The following ITGBL1 variants were observed in gnomAD, a reference collection of about 807,000 sequenced individuals.
The protein encoded by ITGBL1 is integrin subunit beta like 1.
In ITGBL1, 51 loss-of-function variants were observed where a neutral mutation model predicts 68.5. The observed-to-expected ratio is 0.74, with a 90% CI of 0.59 to 0.94. The LOEUF is 0.94. Ranked by LOEUF, ITGBL1 falls within the 40% of genes least tolerant of loss-of-function variation. ITGBL1 has a pLI of 0.00. For missense variants in ITGBL1, 649 were observed against 647.4 expected, an observed-to-expected ratio of 1.00 and a Z score of -0.03; for synonymous variants, 209 against 227.3, an observed-to-expected ratio of 0.92 and a Z score of 0.72.
At chr13:101,503,072 G>A (rs2048969917) in intron 2 of ITGBL1, among the ~76,000 whole-genome samples, 1 of 152,158 alleles carries the variant, frequency 6.6e-6, no homozygotes, top group Admixed American at 6.5e-5. Context: ...AAAATTTGAA[G>A]CAAGTGCTGT....
At chr13:101,658,761 T>C (rs897798856) in intron 7 of ITGBL1, among the ~76,000 whole-genome samples, 1 of 152,112 alleles carries the variant, frequency 6.6e-6, no homozygotes, top group Non-Finnish European at 1.5e-5. Context: ...GGAAAAAATA[T>C]GAGGAACTTG....
downstream of ITGBL1, chr13:101,717,162 T>C (rs1275324300): frequency 1.3e-5 from 2 of 152,132 alleles, no homozygotes; most frequent in Non-Finnish European, 2.9e-5. Flanking sequence ...TTAAACTTTA[T>C]AAGTCAAATT....
intron 7 of ITGBL1, among the ~76,000 whole-genome samples, chr13:101,684,568 G>A (rs1460133430): frequency 6.6e-6 from 1 of 151,694 alleles, no homozygotes; most frequent in East Asian, 1.9e-4. Context: ...TTTGCTATAG[G>A]GCAACTAATA....
intron 7 of ITGBL1, among the ~76,000 whole-genome samples, chr13:101,688,193 C>G (rs1024604146): frequency 1.3e-5 from 2 of 152,176 alleles, no homozygotes; most frequent in African/African-American, 4.8e-5. Flanking sequence ...ATACAAATCT[C>G]ACCGTTAGTC....
Position 101,567,589 on chromosome 13 carries a change from A to G in ITGBL1, c.317-110A>G, listed in dbSNP as rs76031962. On this transcript the variant is annotated intron_variant, in intron 2 of 10. Transcript: ENST00000376180. The stretch of plus-strand genomic sequence containing the variant: ...GCCACTGCGATATACATGAGTTTCA[A>G]TTTATTATAGCTCAGTCCCAAATCA... 2.7e-3 allele frequency: 2,718 copies of G among 1,008,872 alleles called. 52 individuals carry two copies. The African/African-American group carries it at 0.04, about 15-fold the overall frequency. 62.5% of individuals were successfully genotyped at this position (1,008,872 alleles called of 1,614,324 possible).
intron 2 of ITGBL1, among the ~76,000 whole-genome samples, chr13:101,542,397 T>C (rs993819294): frequency 2.0e-5 from 3 of 152,230 alleles, no homozygotes; most frequent in Non-Finnish European, 4.4e-5. Flanking sequence ...GAGTTCTAGT[T>C]TAATTGCACT....
intron 6 of ITGBL1, among the ~76,000 whole-genome samples, chr13:101,597,444 C>G (rs1270276264): frequency 1.4e-4 from 21 of 146,840 alleles, no homozygotes; most frequent in Admixed American, 1.2e-3. Context: ...AAAAAAAATC[C>G]TGCTTCAAAA....
chr13:101,611,571 G>A (rs2031126514), intron 7 of ITGBL1, among the ~76,000 whole-genome samples: 1 of 152,132 alleles, frequency 6.6e-6, no homozygotes, highest in Admixed American at 6.6e-5. Flanking sequence ...ATGGGAAAGG[G>A]TCACGTTGCA....
At chr13:101,696,897 G>A (rs2034016048) in intron 8 of ITGBL1, among the ~76,000 whole-genome samples, 1 of 152,176 alleles carries the variant, frequency 6.6e-6, no homozygotes, top group African/African-American at 2.4e-5. Flanking sequence ...AAGTTGAGGT[G>A]AGGATGTGAT....
intron 7 of ITGBL1, among the ~76,000 whole-genome samples, chr13:101,676,755 T>C (rs2033512720): frequency 6.6e-6 from 1 of 152,180 alleles, no homozygotes; most frequent in Non-Finnish European, 1.5e-5. Context: ...CAATAGGACT[T>C]TAAAGTGGAA....
intron 6 of ITGBL1, among the ~76,000 whole-genome samples, chr13:101,585,390 G>T (rs2050535474): frequency 6.6e-6 from 1 of 152,142 alleles, no homozygotes; most frequent in Admixed American, 6.5e-5. Flanking sequence ...CATAGAGTTG[G>T]TGGTTAAAAC....
intron 3 of ITGBL1, among the ~76,000 whole-genome samples, chr13:101,574,787 C>T (rs1170651783): frequency 6.6e-6 from 1 of 152,012 alleles, no homozygotes; most frequent in Non-Finnish European, 1.5e-5. Context: ...CAGATGACTA[C>T]CATGCCTCTC....
chr13:101,575,685 A>C, intron 4 of ITGBL1, 139 bp downstream of exon 4: 1 of 844,550 alleles, frequency 1.2e-6, no homozygotes. Flanking sequence ...AAAACATTTC[A>C]CATAAGGAGA....
chr13:101,665,942 G>A (rs2033204947), intron 7 of ITGBL1, among the ~76,000 whole-genome samples: 1 of 152,092 alleles, frequency 6.6e-6, no homozygotes, highest in Non-Finnish European at 1.5e-5. Context: ...ACGGACACTG[G>A]CTTTGTTATT....
chr13:101,498,304 C>CT (rs1459736347), intron 2 of ITGBL1, among the ~76,000 whole-genome samples: 1 of 152,054 alleles, frequency 6.6e-6, no homozygotes, highest in Non-Finnish European at 1.5e-5. Context: ...TGTGAACAAG[C>CT]TTTTTATTTT....
At chr13:101,709,613 TC>T (rs2034370497) in intron 9 of ITGBL1, among the ~76,000 whole-genome samples, 1 of 152,164 alleles carries the variant, frequency 6.6e-6, no homozygotes, top group Non-Finnish European at 1.5e-5. Context: ...AATGGCATTG[TC>T]ACTGGGATAA....
At chr13:101,611,195 T>C (rs937548788) in intron 7 of ITGBL1, among the ~76,000 whole-genome samples, 2 of 152,200 alleles carry the variant, frequency 1.3e-5, no homozygotes, top group Non-Finnish European at 2.9e-5. Flanking sequence ...AATTGTCTTA[T>C]GAGGTTAATT....
chr13:101,631,451 G>A (rs1242348112), intron 7 of ITGBL1, among the ~76,000 whole-genome samples: 1 of 151,988 alleles, frequency 6.6e-6, no homozygotes, highest in Non-Finnish European at 1.5e-5. Context: ...AAATGAGGAG[G>A]AAAGGCATTT....
chr13:101,583,870 T>C (rs780364098), intron 6 of ITGBL1, among the ~76,000 whole-genome samples: 2 of 152,176 alleles, frequency 1.3e-5, no homozygotes, highest in African/African-American at 2.4e-5. Context: ...GGGCACCCAC[T>C]CTTTTAAAGT....
Sources: allele counts gnomAD v4.1 joint callset (sites outside exome capture counted in the v4.1 genomes callset), GRCh38; gene constraint gnomAD v4.1.1; transcripts MANE v1.5; gene names NCBI Gene and HGNC (gene_info 2026-07-23, HGNC 2026-07-21).